Variants in SLC2A9 observed in about 807,000 individuals in gnomAD.
SLC2A9 encodes solute carrier family 2 member 9, also known as solute carrier family 2, facilitated glucose transporter member 9.
Under a neutral mutation model 50.6 loss-of-function variants are expected in SLC2A9, and 39 were observed. The ratio of observed to expected loss-of-function variants is 0.77; its 90% CI spans 0.60 to 1.01. The LOEUF (loss-of-function observed/expected upper bound fraction) is 1.01, where lower values mean the gene tolerates loss of function less well. Ranked by LOEUF, SLC2A9 falls within the 50% of genes least tolerant of loss-of-function variation. The probability of loss-of-function intolerance (pLI) is 0.00; values close to 1 mark genes in which losing one functional copy is unlikely to be tolerated. For missense variants in SLC2A9, 686 were observed against 677.6 expected (o/e 1.01, Z -0.14); for synonymous variants, 324 against 276.9 (o/e 1.17, Z -1.69).
intron 1 of SLC2A9, chr4:10,019,418 A>C: frequency 2.6e-6 from 1 of 389,046 alleles, no homozygotes; most frequent in Non-Finnish European, 4.8e-6. Flanking sequence ...GACAGAAAAA[A>C]GCAAAGCCAG....
At chr4:9,872,670 C>T (rs1465376664) in intron 10 of SLC2A9, among the ~76,000 whole-genome samples, 1 of 152,192 alleles carries the variant, frequency 6.6e-6, no homozygotes, top group East Asian at 1.9e-4. Flanking sequence ...GCTGAGGCTT[C>T]TCTCTGTTTA....
At chr4:10,037,975 T>TAA (rs1344634126) in intron 1 of SLC2A9, among the ~76,000 whole-genome samples, 1 of 151,186 alleles carries the variant, frequency 6.6e-6, no homozygotes, top group Non-Finnish European at 1.5e-5. Flanking sequence ...AATAAATAAA[T>TAA]AAATAAAGGC....
At chr4:9,805,347 A>G (rs1486130300) in intron 3 of SLC2A9, among the ~76,000 whole-genome samples, 4 of 152,218 alleles carry the variant, frequency 2.6e-5, no homozygotes, top group Non-Finnish European at 5.9e-5. Flanking sequence ...AACACACATC[A>G]TGCCCATCTG....
intron 10 of SLC2A9, among the ~76,000 whole-genome samples, chr4:9,839,373 T>C (rs1056156246): frequency 1.3e-5 from 2 of 152,288 alleles, no homozygotes; most frequent in African/African-American, 4.8e-5. Context: ...GGAACATTTA[T>C]ACACTGTTCG....
chr4:9,773,133 C>T (rs935691192), intron 1 of SLC2A9, among the ~76,000 whole-genome samples: 2 of 152,226 alleles, frequency 1.3e-5, no homozygotes, highest in Admixed American at 6.5e-5. Flanking sequence ...CTCCTTGCTC[C>T]TGAACTGGGA....
chr4:9,825,943 G>A (rs1001491699), downstream of SLC2A9, among the ~76,000 whole-genome samples: 2 of 152,184 alleles, frequency 1.3e-5, no homozygotes, highest in African/African-American at 4.8e-5. Flanking sequence ...CCAGGTTGAG[G>A]GCAGGTCAAG....
upstream of SLC2A9, chr4:10,025,591 C>T (rs1015374929): frequency 7.1e-5 from 24 of 340,176 alleles, no homozygotes; most frequent in African/African-American, 2.3e-4. Flanking sequence ...GTATCTTTAA[C>T]GATGATGACA....
At chr4:10,007,462 C>A (rs1372543443) in intron 2 of SLC2A9, among the ~76,000 whole-genome samples, 1 of 152,214 alleles carries the variant, frequency 6.6e-6, no homozygotes, top group African/African-American at 2.4e-5. Context: ...GCTTTCAGAG[C>A]CTCCTGGGTT....
At chr4:9,970,272 G>A (rs1175925282) in intron 5 of SLC2A9, among the ~76,000 whole-genome samples, 1 of 152,222 alleles carries the variant, frequency 6.6e-6, no homozygotes, top group Non-Finnish European at 1.5e-5. Flanking sequence ...ATGGAGAGAA[G>A]ACATTCCTGA....
chr4:9,946,929 T>A (rs1749285496), intron 5 of SLC2A9, among the ~76,000 whole-genome samples: 1 of 152,164 alleles, frequency 6.6e-6, no homozygotes, highest in Non-Finnish European at 1.5e-5. Context: ...AAAATAATAA[T>A]CAAAATCAAC....
chr4:9,902,328 C>G (rs1394028693), intron 8 of SLC2A9, among the ~76,000 whole-genome samples: 1 of 152,224 alleles, frequency 6.6e-6, no homozygotes, highest in Non-Finnish European at 1.5e-5. Context: ...TGGCACAGAG[C>G]AGGGGCCCAA....
Position 9,941,944 on chromosome 4 carries a change from C to T in SLC2A9, c.783G>A (p.Leu261=), listed in dbSNP as rs1748222029. The T allele has an allele frequency of 6.2e-7, 1 of 1,614,056 alleles. No homozygotes were observed. The highest frequency in any genetic ancestry group is 1.3e-5 in the African/African-American group (1 of 74,936). ...FLPDSPRYLL[L]EKHNEARAVK... ...CAGCTCTTGCCTCGTTGTGCTTCTC[C>T]AAGAGCAGGTAGCGTGGGCTGTCCG... is the stretch of plus-strand genomic sequence containing the variant. Residue 261 remains leucine, a synonymous_variant, in exon 6 of 12, where the codon TTG becomes TTA. Coordinates refer to ENST00000264784, the MANE Select transcript of SLC2A9 (RefSeq NM_020041.3).
intron 5 of SLC2A9, among the ~76,000 whole-genome samples, chr4:9,960,620 C>T (rs1386974641): frequency 2.0e-5 from 3 of 152,216 alleles, no homozygotes; most frequent in Non-Finnish European, 1.5e-5. Flanking sequence ...CCAAAGCTCA[C>T]GTGGCATTCA....
In SLC2A9 at chr4:9,987,779, G is replaced by T. The variant is rs374067150; in HGVS notation, c.411-1986C>A. Among the ~76,000 whole-genome samples the T allele has an allele frequency of 1.5e-4, 23 of 152,134 alleles. No individual in the cohort carries two copies. In the East Asian group the frequency reaches 2.1e-3, roughly 14 times the overall value. Reference sequence around the variant, plus strand: ...GGAGGCAGAGATTGCAGTGAGCCAAGATCATGCCACCGCACTCCAACCTGG... The same window carrying T: ...GGAGGCAGAGATTGCAGTGAGCCAATATCATGCCACCGCACTCCAACCTGG... On this transcript the variant is annotated intron_variant, in intron 3 of 11. Transcript: ENST00000264784.
intron 3 of SLC2A9, among the ~76,000 whole-genome samples, chr4:9,804,198 T>C (rs186546542): frequency 2.6e-4 from 39 of 152,292 alleles, no homozygotes; most frequent in Admixed American, 1.8e-3. Flanking sequence ...TCATGAAAGC[T>C]TTTGGAAGAA....
chr4:9,778,353 C>G (rs548528709), downstream of SLC2A9, among the ~76,000 whole-genome samples: 1 of 152,272 alleles, frequency 6.6e-6, no homozygotes, highest in South Asian at 2.1e-4. Context: ...CTCCTGACTT[C>G]AAGTGATCCA....
chr4:9,778,006 T>C (rs1233828410), downstream of SLC2A9, among the ~76,000 whole-genome samples: 2 of 152,200 alleles, frequency 1.3e-5, no homozygotes, highest in African/African-American at 4.8e-5. Flanking sequence ...ATTTTCAAAC[T>C]GAAATGTTTT....
intron 1 of SLC2A9, among the ~76,000 whole-genome samples, chr4:9,774,713 C>T (rs1396693043): frequency 6.6e-6 from 1 of 151,830 alleles, no homozygotes; most frequent in East Asian, 1.9e-4. Flanking sequence ...TCTCTCTCCT[C>T]TTCCTCTCCT....
Position 9,991,514 on chromosome 4 carries a change from C to T in SLC2A9, c.410+5267G>A, listed in dbSNP as rs570667611. On this transcript the variant is annotated intron_variant, in intron 3 of 11. Coordinates refer to ENST00000264784, the MANE Select transcript of SLC2A9 (RefSeq NM_020041.3). ...CCATCTTGCACCTCCACAGAAGAAA[C>T]TGCCTGACAATGAAGCCAACAAAAA... 1.6e-3 allele frequency among the ~76,000 whole-genome samples: 247 copies of T among 152,224 alleles called. 4 individuals are homozygous for T. Among genetic ancestry groups the T allele is most frequent in the Non-Finnish European group, 1.7e-3 (119 of 68,012 alleles).
Sources: gnomAD v4.1 joint callset for allele counts (sites outside exome capture counted in the v4.1 genomes callset) on GRCh38, gnomAD v4.1.1 for gene constraint, MANE v1.5 for transcripts, NCBI Gene and HGNC (gene_info 2026-07-23, HGNC 2026-07-21) for gene names.